The following CCDC178 variants were observed in gnomAD, a reference collection of about 807,000 sequenced individuals.
CCDC178 encodes the protein coiled-coil domain-containing protein 178.
CCDC178 carries 126 observed loss-of-function variants against 117.4 expected under a neutral mutation model. That is an observed-to-expected ratio of 1.07 (90% CI 0.93 to 1.24). The LOEUF (loss-of-function observed/expected upper bound fraction) is 1.24. Among genes scored for constraint, CCDC178 ranks in the 50% most tolerant of loss-of-function variants. The pLI is 0.00. For missense variants in CCDC178, 1,030 were observed against 986.9 expected (o/e 1.04, Z -0.59); for synonymous variants, 283 against 313.4 (o/e 0.90, Z 1.02).
At chr18:33,062,677 T>C (rs1197345285) in intron 21 of CCDC178, among the ~76,000 whole-genome samples, 1 of 152,150 alleles carries the variant, frequency 6.6e-6, no homozygotes, top group African/African-American at 2.4e-5. Flanking sequence ...GCAGTCCATG[T>C]GATGGCATTG....
At chr18:33,060,951 T>G (rs899031535) in intron 21 of CCDC178, among the ~76,000 whole-genome samples, 2 of 152,146 alleles carry the variant, frequency 1.3e-5, no homozygotes, top group African/African-American at 4.8e-5. Flanking sequence ...TACCCACATT[T>G]CCGCACACTC....
At chr18:33,392,725 G>A (rs2063579940) in intron 4 of CCDC178, among the ~76,000 whole-genome samples, 1 of 152,124 alleles carries the variant, frequency 6.6e-6, no homozygotes, top group African/African-American at 2.4e-5. Context: ...AGCCGGGCAT[G>A]GTGGCACGCA....
chr18:33,110,408 T>C (rs2057765246), intron 20 of CCDC178, among the ~76,000 whole-genome samples: 1 of 151,630 alleles, frequency 6.6e-6, no homozygotes, highest in Non-Finnish European at 1.5e-5. Context: ...AAGAGTACAG[T>C]TTATAAACTA....
chr18:33,040,873 T>C (rs1204020981), intron 21 of CCDC178, among the ~76,000 whole-genome samples: 1 of 151,846 alleles, frequency 6.6e-6, no homozygotes. Flanking sequence ...AGTTTGAAAA[T>C]TTTGCAAAGA....
intron 22 of CCDC178, among the ~76,000 whole-genome samples, chr18:32,971,948 T>C (rs1162663727): frequency 2.0e-5 from 3 of 151,810 alleles, no homozygotes; most frequent in Non-Finnish European, 4.4e-5. Flanking sequence ...GATCACAAAC[T>C]TTTTTTCCCA....
intron 14 of CCDC178, among the ~76,000 whole-genome samples, chr18:33,249,967 T>C (rs947382800): frequency 2.6e-5 from 4 of 152,018 alleles, no homozygotes; most frequent in Non-Finnish European, 5.9e-5. Flanking sequence ...GTAGTTCTCC[T>C]TGAAGAGTTC....
intron 6 of CCDC178, among the ~76,000 whole-genome samples, chr18:33,365,780 TTAAA>T (rs2063196270): frequency 6.6e-6 from 1 of 152,048 alleles, no homozygotes; most frequent in Admixed American, 6.6e-5. Flanking sequence ...TCACTCTAAA[TTAAA>T]TAAAACTATT....
At chr18:33,309,390 A>G (rs2062304813) in intron 11 of CCDC178, among the ~76,000 whole-genome samples, 1 of 152,190 alleles carries the variant, frequency 6.6e-6, no homozygotes, top group Admixed American at 6.5e-5. Flanking sequence ...CCAAGTTTTC[A>G]GAAGTACTCT....
At chr18:33,209,439 T>C in intron 20 of CCDC178, among the ~76,000 whole-genome samples, 1 of 152,050 alleles carries the variant, frequency 6.6e-6, no homozygotes, top group East Asian at 1.9e-4. Context: ...AGATGATCCA[T>C]AATTGTGATC....
In CCDC178 at chr18:33,092,985, G is replaced by C. The variant is rs2057491217; in HGVS notation, c.2239-75C>G. 9.9e-6 allele frequency: 9 copies of C among 907,306 alleles called. No homozygotes were observed. In the East Asian group the frequency reaches 2.7e-4, roughly 27 times the overall value. The allele number at this position is 907,306 out of a possible 1,614,324, so 56.2% of individuals were successfully genotyped here. On this transcript the variant is annotated intron_variant, in intron 20 of 22. Coordinates refer to ENST00000383096, the MANE Select transcript of CCDC178 (RefSeq NM_001105528.4). ...CAATTAAAATCATTTGGATTTGTTT[G>C]AATTTTTACATCTTTTAAATTATCT... is the stretch of plus-strand genomic sequence containing the variant.
At chr18:33,302,812 T>C (rs2062194385) in intron 11 of CCDC178, among the ~76,000 whole-genome samples, 1 of 151,880 alleles carries the variant, frequency 6.6e-6, no homozygotes, top group Admixed American at 6.6e-5. Context: ...AAACAGTTGA[T>C]CTCAAAGAAG....
intron 20 of CCDC178, among the ~76,000 whole-genome samples, chr18:33,169,482 C>G (rs745565556): frequency 6.6e-6 from 1 of 152,170 alleles, no homozygotes; most frequent in Non-Finnish European, 1.5e-5. Flanking sequence ...TCACTAACTT[C>G]AAGTGCCATT....
chr18:33,372,343 G>A (rs759552093), intron 5 of CCDC178, among the ~76,000 whole-genome samples: 26 of 152,040 alleles, frequency 1.7e-4, no homozygotes, highest in Middle Eastern at 3.2e-3. Context: ...GCTGAACTAG[G>A]TGTCTGTATT....
chr18:32,977,818 A>T (rs557263681), intron 21 of CCDC178, among the ~76,000 whole-genome samples: 163 of 152,228 alleles, frequency 1.1e-3, no homozygotes, highest in Non-Finnish European at 1.9e-3. Flanking sequence ...AGATCCTAGG[A>T]TACTCGGAAC....
At chr18:33,101,909 AT>A (rs2057633729) in intron 20 of CCDC178, among the ~76,000 whole-genome samples, 1 of 151,958 alleles carries the variant, frequency 6.6e-6, no homozygotes, top group Non-Finnish European at 1.5e-5. Context: ...AAAATGGTTA[AT>A]TTTGAAAGCA....
intron 11 of CCDC178, among the ~76,000 whole-genome samples, chr18:33,313,063 T>C: frequency 6.6e-6 from 1 of 152,322 alleles, no homozygotes; most frequent in East Asian, 1.9e-4. Flanking sequence ...GCTCTTCCAC[T>C]GGGATGCGCT....
At chr18:33,368,672 T>C (rs1051440397) in intron 6 of CCDC178, among the ~76,000 whole-genome samples, 4 of 151,904 alleles carry the variant, frequency 2.6e-5, no homozygotes, top group African/African-American at 9.7e-5. Context: ...TGAATCCCAA[T>C]TCTGCCTTGT....
At chr18:32,967,029 A>C (rs1359188054) in intron 22 of CCDC178, among the ~76,000 whole-genome samples, 1 of 151,796 alleles carries the variant, frequency 6.6e-6, no homozygotes, top group African/African-American at 2.4e-5. Flanking sequence ...CAAATTATCA[A>C]GTACATTTTA....
chr18:33,192,765 G>A (rs530790481), intron 20 of CCDC178, among the ~76,000 whole-genome samples: 1 of 151,986 alleles, frequency 6.6e-6, no homozygotes, highest in East Asian at 2.0e-4. Context: ...GCCGGGCATG[G>A]TGGCGGGTGC....
Sources: gnomAD v4.1 joint callset for allele counts (sites outside exome capture counted in the v4.1 genomes callset) on GRCh38, gnomAD v4.1.1 for gene constraint, MANE v1.5 for transcripts, NCBI Gene and HGNC (gene_info 2026-07-23, HGNC 2026-07-21) for gene names.